Variants in MED24 observed in about 807,000 individuals in gnomAD.
MED24 encodes mediator of RNA polymerase II transcription subunit 24.
A neutral mutation model predicts 118.8 loss-of-function variants in MED24; 74 were observed. The observed-to-expected ratio is 0.62, with a 90% CI of 0.52 to 0.76. The LOEUF (loss-of-function observed/expected upper bound fraction) is 0.76. Among genes scored for constraint, MED24 ranks in the 30% least tolerant of loss-of-function variants. The pLI, the probability that MED24 is intolerant of heterozygous loss-of-function variation, is 0.00. For missense variants in MED24, 1,041 were observed against 1,278.9 expected (o/e 0.81, Z 2.84); for synonymous variants, 521 against 523.9 (o/e 0.99, Z 0.08).
intron 3 of MED24, among the ~76,000 whole-genome samples, chr17:40,042,351 T>C (rs1490590407): frequency 6.6e-6 from 1 of 152,128 alleles, no homozygotes; most frequent in Non-Finnish European, 1.5e-5. Context: ...CAAAACATAC[T>C]ATAAAGCTCT....
In MED24 at chr17:40,033,224, CAG is replaced by C. The variant is rs757014911; in HGVS notation, c.672-20_672-19del. On this transcript the variant is annotated intron_variant, in intron 7 of 25. Transcript: ENST00000394128. This position sits in a 1 kb window ranked among gnomAD's most constrained non-coding sequence, Gnocchi z 5.2. ...TGGGGATGCTGAGGGGTCACAAACA[CAG>C]GGGACGGTGTTTGGGGGGCCAAAGG... 17 of 1,613,434 alleles carry C rather than the reference CAG, an allele frequency of 1.1e-5. No individual in the cohort carries two copies. The highest frequency in any genetic ancestry group is 1.4e-5 in the Non-Finnish European group (16 of 1,180,026).
At chr17:40,028,397 A>G (rs1982973035) in intron 14 of MED24, among the ~76,000 whole-genome samples, 2 of 152,146 alleles carry the variant, frequency 1.3e-5, no homozygotes, top group South Asian at 4.1e-4. Flanking sequence ...TACAGGCGTG[A>G]GCCACCGCAC....
intron 3 of MED24, among the ~76,000 whole-genome samples, chr17:40,047,432 C>T (rs1001450944): frequency 1.3e-5 from 2 of 151,936 alleles, no homozygotes; most frequent in African/African-American, 4.8e-5. Flanking sequence ...GAGGCTAAGG[C>T]AGGTGGATCA....
At chr17:40,050,184 T>C (rs990555490) in intron 3 of MED24, among the ~76,000 whole-genome samples, 9 of 140,132 alleles carry the variant, frequency 6.4e-5, no homozygotes, top group Admixed American at 1.5e-4. Context: ...AGATACGCAT[T>C]CAGGTCAGGC....
rs370101587 is a variant in MED24 at position 40,053,387 on chromosome 17, G to A, written c.131-7C>T. ...GCCTGCTCTAGTAACGCATCTGCAA[G>A]AGGAATAGCAAAACACAACTGAGTG... On this transcript the variant is annotated splice_polypyrimidine_tract_variant and splice_region_variant and intron_variant, in intron 2 of 25. Coordinates refer to ENST00000394128, the MANE Select transcript of MED24 (RefSeq NM_014815.4). 2 of 1,613,372 alleles carry A rather than the reference G, an allele frequency of 1.2e-6. No individual in the cohort carries two copies. Among genetic ancestry groups the A allele is most frequent in the Non-Finnish European group, 8.5e-7 (1 of 1,179,414 alleles).
chr17:40,025,538 G>A (rs1420275389), intron 19 of MED24, among the ~76,000 whole-genome samples: 4 of 152,188 alleles, frequency 2.6e-5, no homozygotes, highest in African/African-American at 9.7e-5. Flanking sequence ...GGAGGGAGGG[G>A]AAAATAGGAA....
chr17:40,031,420 C>A, intron 11 of MED24, 118 bp downstream of exon 11: 1 of 1,278,410 alleles, frequency 7.8e-7, no homozygotes, highest in Non-Finnish European at 1.1e-6. Flanking sequence ...TATTTCCTGC[C>A]CCTGCCAAGG....
intron 3 of MED24, among the ~76,000 whole-genome samples, chr17:40,039,922 T>A (rs1424418811): frequency 6.6e-6 from 1 of 151,610 alleles, no homozygotes; most frequent in African/African-American, 2.4e-5. Context: ...TAGCTGGGAC[T>A]ACAGGCACCC....
chr17:40,041,659 C>T (rs1984578088), intron 3 of MED24, among the ~76,000 whole-genome samples: 1 of 152,206 alleles, frequency 6.6e-6, no homozygotes, highest in Admixed American at 6.5e-5. Context: ...TCCACTGTCT[C>T]ATGATCCATC....
At chr17:40,019,695 G>A (rs772036043) in intron 25 of MED24, 50 bp from the exon 26 acceptor site, 3 of 1,581,390 alleles carry the variant, frequency 1.9e-6, no homozygotes, top group Non-Finnish European at 2.6e-6. Context: ...TGGTGGGTGT[G>A]CTGTCCCAGG....
Position 40,021,963 on chromosome 17 carries a change from GA to G in MED24, c.2614del (p.Ser872ArgfsTer8). 6.2e-7 allele frequency: 1 copy of G among 1,601,284 alleles called. No individual in the cohort carries two copies. Among genetic ancestry groups the G allele is most frequent in the South Asian group, 1.1e-5 (1 of 89,652 alleles). ...CCAGCCCACACACTCACTGGGGCTC[GA>G]AAGGATGTTGGCATCGTCCTCATTA... The part of the protein sequence containing the change: ...SSNEDDANIL[S>X]SPTDRSMSSS... On this transcript the variant is annotated frameshift_variant, in exon 23 of 26. Coordinates refer to ENST00000394128, the MANE Select transcript of MED24 (RefSeq NM_014815.4). LOFTEE classifies it high-confidence loss of function.
rs2067892457 is a variant in MED24 at position 40,036,110 on chromosome 17, T to A, written c.252+6A>T. 4 of 1,610,960 alleles carry A rather than the reference T, an allele frequency of 2.5e-6. No individual in the cohort carries two copies. The highest frequency in any genetic ancestry group is 3.4e-6 in the Non-Finnish European group (4 of 1,177,170). ...CAATCTAGCTCCTGAGTGTCTATGG[T>A]CATACCTTACTGATGGCTGTGAGGA... On this transcript the variant is annotated splice_donor_region_variant and intron_variant, in intron 4 of 25. Coordinates refer to ENST00000394128, the MANE Select transcript of MED24 (RefSeq NM_014815.4).
At chr17:40,026,126 G>T (rs1290165194) in intron 19 of MED24, 30 bp downstream of exon 19, 4 of 1,595,908 alleles carry the variant, frequency 2.5e-6, no homozygotes, top group Non-Finnish European at 3.4e-6. Flanking sequence ...CACACTTGAA[G>T]GGTCTGAGAA....
chr17:40,045,343 G>A (rs1985045650), intron 3 of MED24, among the ~76,000 whole-genome samples: 1 of 152,066 alleles, frequency 6.6e-6, no homozygotes, highest in Admixed American at 6.6e-5. Context: ...CAGCTACTTG[G>A]GAGGCTGAGG....
chr17:40,028,915 G>T lies in MED24; in HGVS notation c.1320C>A (p.Gly440=). ...CCAGACTCTTCCCGGACAGCATGTG[G>T]CCCAGGACTCCCAGCAGTCCCTCCG... ...KSPEGLLGVL[G]HMLSGKSLDL... Residue 440 remains glycine, a synonymous_variant, in exon 14 of 26, where the codon GGC becomes GGA. Coordinates refer to ENST00000394128, the MANE Select transcript of MED24 (RefSeq NM_014815.4). The T allele has an allele frequency of 6.2e-7, 1 of 1,614,198 alleles. No homozygotes were observed.
intron 3 of MED24, among the ~76,000 whole-genome samples, chr17:40,044,238 G>A (rs1984903786): frequency 6.6e-6 from 1 of 150,682 alleles, no homozygotes; most frequent in Non-Finnish European, 1.5e-5. Flanking sequence ...TAAATACATA[G>A]GCCGGGCGCA....
intron 3 of MED24, among the ~76,000 whole-genome samples, chr17:40,043,890 C>CAAAAAAAAAAAAAAAACAAAAA (rs35743512): frequency 1.0e-5 from 1 of 97,448 alleles, no homozygotes; most frequent in African/African-American, 3.7e-5. Flanking sequence ...GACTCCATCT[C>CAAAAAAAAAAAAAAAACAAAAA]AAAAAAAAAA....
In MED24 at chr17:40,022,458, G is replaced by A; in HGVS notation, c.2459C>T (p.Ser820Phe). The A allele has an allele frequency of 3.7e-6, 6 of 1,610,522 alleles. No homozygotes were observed. Among genetic ancestry groups the A allele is most frequent in the Non-Finnish European group, 5.1e-6 (6 of 1,178,672 alleles). ...CGCCTGTCCCTTGTGGGAGGAGTAG[G>A]AACTGAGGGCACACCACACGGCCAG... ...AKLAVWCALS[S>F]YSSHKGQAST... is the part of the protein sequence containing the mutation. Residue 820 changes from serine to phenylalanine, a missense_variant, in exon 22 of 26, where the codon TCC becomes TTC. By Grantham distance (155) the Ser-to-Phe change is radical. Around this residue, in one of 3 missense-constraint regions of MED24, gnomAD observed 587 missense variants for 694.4 expected, o/e 0.85. Coordinates refer to ENST00000394128, the MANE Select transcript of MED24 (RefSeq NM_014815.4).
At chr17:40,027,592 C>T (rs1406664644) in intron 15 of MED24, 127 bp from the exon 16 acceptor site, 1 of 859,670 alleles carries the variant, frequency 1.2e-6, no homozygotes, top group East Asian at 2.7e-5. Flanking sequence ...AGCTCTGAGG[C>T]TCAGAATCCT....
Sources: allele counts gnomAD v4.1 joint callset (sites outside exome capture counted in the v4.1 genomes callset), GRCh38; gene constraint gnomAD v4.1.1; regional missense constraint gnomAD v4.1.1; non-coding constraint Gnocchi (gnomAD v3.1); transcripts MANE v1.5; gene names NCBI Gene and HGNC (gene_info 2026-07-23, HGNC 2026-07-21).